Variants in LPCAT1 observed in about 807,000 individuals in gnomAD.
The protein encoded by LPCAT1 is lysophosphatidylcholine acyltransferase 1, also known as 1-acylglycerol-3-phosphate O-acyltransferase.
Under a neutral mutation model 60.9 loss-of-function variants are expected in LPCAT1, and 23 were observed. That is an observed-to-expected ratio of 0.38 (90% CI 0.27 to 0.53). The LOEUF is 0.53. Among genes scored for constraint, LPCAT1 ranks in the 20% least tolerant of loss-of-function variants. LPCAT1 has a pLI of 0.82. For missense variants in LPCAT1, 622 were observed against 723.6 expected, an observed-to-expected ratio of 0.86 and a Z score of 1.61; for synonymous variants, 340 against 301.1, an observed-to-expected ratio of 1.13 and a Z score of -1.34.
At chr5:1,466,580 T>G (rs1734414674) in intron 13 of LPCAT1, among the ~76,000 whole-genome samples, 169 bp downstream of exon 13, 1 of 152,154 alleles carries the variant, frequency 6.6e-6, no homozygotes, top group Non-Finnish European at 1.5e-5. Context: ...CGCTGCCAGG[T>G]CTCCAGAACC....
At chr5:1,498,569 TCATACA>T (rs1735881862) in intron 2 of LPCAT1, among the ~76,000 whole-genome samples, 1 of 152,048 alleles carries the variant, frequency 6.6e-6, no homozygotes, top group South Asian at 2.1e-4. Flanking sequence ...ACATATACTC[TCATACA>T]CATATGTACA....
At chr5:1,470,434 G>A (rs142350648) in intron 12 of LPCAT1, among the ~76,000 whole-genome samples, 1 of 152,304 alleles carries the variant, frequency 6.6e-6, no homozygotes, top group African/African-American at 2.4e-5. Context: ...TAGCCCCTGG[G>A]GTTAGCTGAG....
At chr5:1,501,123 C>T (rs762816959) in intron 2 of LPCAT1, among the ~76,000 whole-genome samples, 5 of 152,208 alleles carry the variant, frequency 3.3e-5, no homozygotes, top group African/African-American at 9.7e-5. Flanking sequence ...GCCTGACTTT[C>T]GTCAGCAACA....
At chr5:1,492,864 T>C (rs570154018) in intron 3 of LPCAT1, among the ~76,000 whole-genome samples, 18 of 152,328 alleles carry the variant, frequency 1.2e-4, no homozygotes, top group African/African-American at 4.1e-4. Context: ...AGCCCCCCTG[T>C]CCAAGGACCC....
chr5:1,465,761 CGT>C (rs1371297184), intron 13 of LPCAT1, among the ~76,000 whole-genome samples: 7 of 111,396 alleles, frequency 6.3e-5, no homozygotes, highest in African/African-American at 1.7e-4. Flanking sequence ...TGTACACAAA[CGT>C]GTGCACACAC....
chr5:1,485,716 C>T (rs1172086486), intron 5 of LPCAT1, among the ~76,000 whole-genome samples: 2 of 152,196 alleles, frequency 1.3e-5, no homozygotes, highest in East Asian at 3.9e-4. Flanking sequence ...GCAGGGAGGC[C>T]GCTGCGGCCC....
Position 1,523,635 on chromosome 5 carries a change from T to C in LPCAT1, c.135+75A>G. 1 of 1,003,890 alleles carries C rather than the reference T, an allele frequency of 1.0e-6. No individual in the cohort carries two copies. Among genetic ancestry groups the C allele is most frequent in the Non-Finnish European group, 1.2e-6 (1 of 836,534 alleles). 62.2% of individuals were successfully genotyped at this position (1,003,890 alleles called of 1,614,324 possible). On this transcript the variant is annotated intron_variant, in intron 1 of 13. Coordinates refer to ENST00000283415, the MANE Select transcript of LPCAT1 (RefSeq NM_024830.5). The surrounding 1 kb of genome is among the most constrained non-coding windows in gnomAD (Gnocchi z 7.1). ...CCCAGGCCCCCTCCCCGGCCCCTCC[T>C]CGGCCGCGCCTCCCTGGCCCCAGCA... is the stretch of plus-strand genomic sequence containing the variant.
Position 1,474,102 on chromosome 5 carries a change from G to C in LPCAT1, c.1034C>G (p.Pro345Arg), listed in dbSNP as rs376035513. The change falls in exon 11 of 14, where the codon CCA (proline) becomes CGA (arginine). Residue 345 changes from proline to arginine, a missense_variant. Transcript: ENST00000283415. ...GTCCAGATCTTTTTCAAGCTTTTCT[G>C]GTTTTAGCCTAGACAAAAAAAGAGG... ...ARLVRGLGLK[P>R]EKLEKDLDRY... 2 of 1,610,238 alleles carry C rather than the reference G, an allele frequency of 1.2e-6. No homozygotes were observed. The highest frequency in any genetic ancestry group is 2.7e-5 in the African/African-American group (2 of 74,746).
In LPCAT1 at chr5:1,523,905, C is replaced by A. The variant is rs960631930; in HGVS notation, c.-61G>T. On this transcript the variant is annotated 5_prime_UTR_variant, in exon 1 of 14. Transcript: ENST00000283415. The surrounding 1 kb of genome is among the most constrained non-coding windows in gnomAD (Gnocchi z 7.1). ...CCTGGGGCGCCGAGCGGGGCCGGGG[C>A]TAGCTGGGCGCGGGTCTCGGGGCGC... 6.5e-5 allele frequency: 65 copies of A among 1,005,344 alleles called. No homozygotes were observed. The highest frequency in any genetic ancestry group is 7.1e-5 in the Non-Finnish European group (60 of 843,032). 62.3% of individuals were successfully genotyped at this position (1,005,344 alleles called of 1,614,324 possible).
chr5:1,518,209 C>T (rs192037985), intron 1 of LPCAT1, among the ~76,000 whole-genome samples: 33 of 152,182 alleles, frequency 2.2e-4, no homozygotes, highest in Non-Finnish European at 4.4e-5. Flanking sequence ...ACTGGCTGGA[C>T]GCCTTCCAGA....
chr5:1,518,379 C>G (rs115960372), intron 1 of LPCAT1, among the ~76,000 whole-genome samples: 1 of 152,166 alleles, frequency 6.6e-6, no homozygotes, highest in Non-Finnish European at 1.5e-5. Flanking sequence ...CCGGCTCTGT[C>G]GCCCAGGCTG....
chr5:1,463,869 G>C, intron 13 of LPCAT1, 34 bp from the exon 14 acceptor site: 1 of 1,606,274 alleles, frequency 6.2e-7, no homozygotes. Context: ...GTTATGGAAT[G>C]GGGACGAGCA....
intron 13 of LPCAT1, among the ~76,000 whole-genome samples, chr5:1,464,870 C>A (rs879365726): frequency 1.2e-5 from 1 of 81,576 alleles, no homozygotes; most frequent in African/African-American, 4.6e-5. Flanking sequence ...TAAACACATG[C>A]GTGTACACAC....
intron 12 of LPCAT1, among the ~76,000 whole-genome samples, chr5:1,467,559 A>T (rs187284821): frequency 1.1e-3 from 166 of 152,068 alleles, no homozygotes; most frequent in Middle Eastern, 3.4e-3. Flanking sequence ...CGCTCCCCAC[A>T]ACTCCACGGC....
rs774698246 is a variant in LPCAT1 at position 1,474,110 on chromosome 5, C to T, written c.1026G>A (p.Gly342=). ...LEFARLVRGL[G]LKPEKLEKDL... ...CTTTTTCAAGCTTTTCTGGTTTTAG[C>T]CTAGACAAAAAAAGAGGGAAAGCTT... The change falls in exon 11 of 14, where the codon GGG becomes GGA. Residue 342 remains glycine, a splice_region_variant and synonymous_variant. Coordinates refer to ENST00000283415, the MANE Select transcript of LPCAT1 (RefSeq NM_024830.5). The T allele has an allele frequency of 7.5e-6, 12 of 1,608,710 alleles. No individual in the cohort carries two copies. The East Asian group carries it at 2.0e-4, about 27-fold the overall frequency.
chr5:1,517,993 A>G (rs975175685), intron 1 of LPCAT1, among the ~76,000 whole-genome samples: 2 of 152,266 alleles, frequency 1.3e-5, no homozygotes, highest in Admixed American at 6.5e-5. Context: ...GACATCAGAG[A>G]GGAAGCATTT....
At position 1,502,614 on chromosome 5, in the gene LPCAT1, T is replaced by TGC. The variant is rs1736059108; in HGVS notation, c.136-1012_136-1011insGC. Among the ~76,000 whole-genome samples the TGC allele has an allele frequency of 2.0e-5, 3 of 152,114 alleles. No homozygotes were observed. Among genetic ancestry groups the TGC allele is most frequent in the Admixed American group, 2.0e-4 (3 of 15,276 alleles). On this transcript the variant is annotated intron_variant, in intron 1 of 13. Transcript: ENST00000283415. The surrounding 1 kb of genome is among the most constrained non-coding windows in gnomAD (Gnocchi z 5.5). ...CCCAGGGTCTGAGGATGGAGGTCCC[T>TGC]CCGGGAGGCGGGCAGGACTCCGTGT...
intron 1 of LPCAT1, among the ~76,000 whole-genome samples, chr5:1,501,974 C>T (rs1736033506): frequency 6.6e-6 from 1 of 152,132 alleles, no homozygotes. Context: ...CCAAGGCTGA[C>T]CAACACTGAC....
chr5:1,507,650 C>A (rs1736228723), intron 1 of LPCAT1, among the ~76,000 whole-genome samples: 1 of 152,224 alleles, frequency 6.6e-6, no homozygotes, highest in South Asian at 2.1e-4. Context: ...CGCCTGCAGT[C>A]CCAGGAGCAC....
Sources: gnomAD v4.1 joint callset for allele counts (sites outside exome capture counted in the v4.1 genomes callset) on GRCh38, gnomAD v4.1.1 for gene constraint, Gnocchi (gnomAD v3.1) non-coding constraint, MANE v1.5 for transcripts, NCBI Gene and HGNC (gene_info 2026-07-23, HGNC 2026-07-21) for gene names.